Variants in RAB28 observed in about 807,000 individuals in gnomAD.
The protein encoded by RAB28 is ras-related protein Rab-28.
RAB28 carries 24 observed loss-of-function variants against 31.7 expected under a neutral mutation model. That is an observed-to-expected ratio of 0.76 (90% CI 0.55 to 1.06). The LOEUF (loss-of-function observed/expected upper bound fraction) is 1.06. Among genes scored for constraint, RAB28 ranks in the 50% least tolerant of loss-of-function variants. The probability of loss-of-function intolerance (pLI) is 0.00; values close to 1 mark genes in which losing one functional copy is unlikely to be tolerated. For missense variants in RAB28, 254 were observed against 258.5 expected (o/e 0.98, Z 0.12); for synonymous variants, 100 against 90.4 (o/e 1.11, Z -0.60).
chr4:13,432,532 C>A (rs1713871239), intron 4 of RAB28, among the ~76,000 whole-genome samples: 1 of 152,020 alleles, frequency 6.6e-6, no homozygotes, highest in African/African-American at 2.4e-5. Context: ...ATCTTAGAGG[C>A]AGCTAGAGAA....
At position 13,484,106 on chromosome 4, in the gene RAB28, G is replaced by A. The variant is rs1716752900; in HGVS notation, c.45C>T (p.Ile15=). The A allele has an allele frequency of 2.5e-6, 4 of 1,602,534 alleles. No homozygotes were observed. Among genetic ancestry groups the A allele is most frequent in the Non-Finnish European group, 2.6e-6 (3 of 1,174,970 alleles). Residue 15 remains isoleucine, a synonymous_variant, in exon 1 of 7, where the codon ATC becomes ATT. Transcript: ENST00000330852. The part of the protein sequence containing the change: ...EEESQDRQLK[I]VVLGDGASGK... ...CGGAGGCGCCGTCCCCCAGCACGAC[G>A]ATTTTCAGTTGCCGGTCCTGGCTCT...
At chr4:13,452,615 T>A (rs1458796551) in intron 4 of RAB28, among the ~76,000 whole-genome samples, 1 of 152,104 alleles carries the variant, frequency 6.6e-6, no homozygotes, top group Admixed American at 6.5e-5. Context: ...TTATTCCATA[T>A]AGTCAGATAA....
chr4:13,440,524 C>G (rs1424772526), intron 4 of RAB28, among the ~76,000 whole-genome samples: 1 of 151,780 alleles, frequency 6.6e-6, no homozygotes, highest in Admixed American at 6.6e-5. Context: ...ATTTAATTCC[C>G]TTTTTCATAC....
At chr4:13,435,094 C>A (rs1714025855) in intron 4 of RAB28, among the ~76,000 whole-genome samples, 1 of 143,306 alleles carries the variant, frequency 7.0e-6, no homozygotes, top group Admixed American at 6.9e-5. Context: ...CAAACAAATA[C>A]ATGGAAACTA....
At chr4:13,383,132 A>AAAAT (rs1729206798) in intron 4 of RAB28, among the ~76,000 whole-genome samples, 1 of 152,202 alleles carries the variant, frequency 6.6e-6, no homozygotes. Context: ...GTGGAAGACT[A>AAAAT]AAATACTAAG....
Position 13,464,391 on chromosome 4 carries a change from G to A in RAB28, c.262-3563C>T, listed in dbSNP as rs541909941. Among the ~76,000 whole-genome samples the A allele has an allele frequency of 3.3e-5, 5 of 152,234 alleles. No individual in the cohort carries two copies. The South Asian group carries it at 1.0e-3, about 32-fold the overall frequency. ...CATTGTATTCCATCTGGAAAGGGAAGTTCCCAACTCCAGCCCCCTGTAGCC... is the reference window on the plus strand; with the variant it reads ...CATTGTATTCCATCTGGAAAGGGAAATTCCCAACTCCAGCCCCCTGTAGCC... On this transcript the variant is annotated intron_variant, in intron 3 of 6. Coordinates refer to ENST00000330852, the MANE Select transcript of RAB28 (RefSeq NM_001017979.3).
intron 4 of RAB28, among the ~76,000 whole-genome samples, chr4:13,413,749 G>A (rs1016212743): frequency 6.6e-6 from 1 of 152,158 alleles, no homozygotes; most frequent in Admixed American, 6.5e-5. Flanking sequence ...AGATGAGGAA[G>A]GGATTTTTAA....
intron 2 of RAB28, 142 bp downstream of exon 2, chr4:13,479,288 G>A: frequency 1.6e-6 from 1 of 613,966 alleles, no homozygotes; most frequent in Non-Finnish European, 2.8e-6. Context: ...TGTGATGAAA[G>A]TTAACATCCC....
chr4:13,397,068 T>C (rs1393392872), intron 4 of RAB28, among the ~76,000 whole-genome samples: 1 of 152,140 alleles, frequency 6.6e-6, no homozygotes, highest in East Asian at 1.9e-4. Context: ...TTTTAGGCTC[T>C]TAAAATAAAT....
rs73231534 is a variant in RAB28 at position 13,474,551 on chromosome 4, T to C, written c.173-145A>G. 0.016 allele frequency: 7,233 copies of C among 456,644 alleles called. 91 individuals carry two copies. The highest frequency in any genetic ancestry group is 0.051 in the Middle Eastern group (89 of 1,756). The allele number at this position is 456,644 out of a possible 1,614,324, so 28.3% of individuals were successfully genotyped here. A position where few individuals can be genotyped will look rare whatever the true frequency, so the allele number is the denominator to read the frequency against. On this transcript the variant is annotated intron_variant, in intron 2 of 6. Transcript: ENST00000330852. ...CTTTATGTGCAGGCTCACATGATAT[T>C]TGGAATTGCGAAAACAACGTCAAAA...
intron 4 of RAB28, among the ~76,000 whole-genome samples, chr4:13,391,910 T>TG (rs1330630547): frequency 8.0e-6 from 1 of 125,528 alleles, no homozygotes; most frequent in Non-Finnish European, 1.7e-5. Flanking sequence ...TGTCGGGAGG[T>TG]GGGGGGCTGG....
At chr4:13,415,196 T>C (rs1712678617) in intron 4 of RAB28, among the ~76,000 whole-genome samples, 2 of 152,166 alleles carry the variant, frequency 1.3e-5, no homozygotes, top group South Asian at 2.1e-4. Flanking sequence ...CAATCACATA[T>C]AAATGCTGAA....
chr4:13,479,323 C>T, intron 2 of RAB28, 107 bp downstream of exon 2: 1 of 713,928 alleles, frequency 1.4e-6, no homozygotes, highest in South Asian at 1.6e-5. Context: ...TGTTTATATA[C>T]ATCTTCATGT....
intron 3 of RAB28, chr4:13,473,670 A>AT (rs1338882853): frequency 6.0e-6 from 1 of 166,798 alleles, no homozygotes; most frequent in Non-Finnish European, 1.3e-5. Context: ...CTTATAAATT[A>AT]TATCAGTATA....
chr4:13,405,002 T>C (rs914148949), intron 4 of RAB28, among the ~76,000 whole-genome samples: 1 of 151,904 alleles, frequency 6.6e-6, no homozygotes, highest in African/African-American at 2.4e-5. Flanking sequence ...CTCCTAAAGA[T>C]TTTTAAACCC....
chr4:13,433,151 GA>G (rs1007081555), intron 4 of RAB28, among the ~76,000 whole-genome samples: 2 of 138,770 alleles, frequency 1.4e-5, no homozygotes, highest in African/African-American at 2.6e-5. Flanking sequence ...AAAAAAAAAA[GA>G]AAAAAAAGAG....
chr4:13,391,476 C>T (rs974787015), intron 4 of RAB28, among the ~76,000 whole-genome samples: 1 of 152,298 alleles, frequency 6.6e-6, no homozygotes, highest in East Asian at 1.9e-4. Context: ...ATTAGTTCAA[C>T]CATTGTGGAA....
At position 13,484,118 on chromosome 4, in the gene RAB28, C is replaced by G. The variant is rs1238116502; in HGVS notation, c.33G>C (p.Arg11=). The change falls in exon 1 of 7, where the codon CGG becomes CGC. Residue 11 remains arginine (R), a synonymous_variant. Transcript: ENST00000330852. MSDSEEESQD[R]QLKIVVLGDG... Reference sequence around the variant, plus strand: ...CCCCCAGCACGACGATTTTCAGTTGCCGGTCCTGGCTCTCCTCCTCAGAGT... The same window carrying G: ...CCCCCAGCACGACGATTTTCAGTTGGCGGTCCTGGCTCTCCTCCTCAGAGT... The G allele has an allele frequency of 1.3e-6, 2 of 1,599,966 alleles. No individual in the cohort carries two copies. The highest frequency in any genetic ancestry group is 1.7e-6 in the Non-Finnish European group (2 of 1,173,522).
chr4:13,367,827 C>T lies in RAB28; in HGVS notation c.*731G>A. On this transcript the variant is annotated 3_prime_UTR_variant, in exon 7 of 7. Coordinates refer to ENST00000330852, the MANE Select transcript of RAB28 (RefSeq NM_001017979.3). ...CTCGGGAGTACTCTTATGCAGTTTGCAAGAGAAATTCCACGTGGAGCATCA... is the reference window on the plus strand; with the variant it reads ...CTCGGGAGTACTCTTATGCAGTTTGTAAGAGAAATTCCACGTGGAGCATCA... 1 of 984,696 alleles carries T rather than the reference C, an allele frequency of 1.0e-6. No individual in the cohort carries two copies. The highest frequency in any genetic ancestry group is 1.2e-6 in the Non-Finnish European group (1 of 829,410). 61.0% of individuals were successfully genotyped at this position (984,696 alleles called of 1,614,324 possible).
Sources: gnomAD v4.1 joint callset for allele counts (sites outside exome capture counted in the v4.1 genomes callset) on GRCh38, gnomAD v4.1.1 for gene constraint, MANE v1.5 for transcripts, NCBI Gene and HGNC (gene_info 2026-07-23, HGNC 2026-07-21) for gene names.